RNF175: variants seen among roughly 807,000 people sequenced by gnomAD.
The protein encoded by RNF175 is ring finger protein 175.
Under a neutral mutation model 50.0 loss-of-function variants are expected in RNF175, and 38 were observed. The observed-to-expected ratio is 0.76, with a 90% CI of 0.59 to 1.00. The LOEUF (loss-of-function observed/expected upper bound fraction) is 1.00. Among genes scored for constraint, RNF175 ranks in the 50% least tolerant of loss-of-function variants. The probability of loss-of-function intolerance (pLI) is 0.00; values close to 1 mark genes in which losing one functional copy is unlikely to be tolerated. For missense variants in RNF175, 388 were observed against 409.6 expected (o/e 0.95, Z 0.46); for synonymous variants, 155 against 146.1 (o/e 1.06, Z -0.44).
chr4:153,740,997 A>G (rs184170875), intron 3 of RNF175, among the ~76,000 whole-genome samples: 2 of 152,276 alleles, frequency 1.3e-5, no homozygotes, highest in Admixed American at 1.3e-4. Flanking sequence ...TCCTTCTTAT[A>G]TAGAGTCTAA....
rs900421219 is a variant in RNF175 at position 153,748,588 on chromosome 4, A to G, written c.246+57T>C. On this transcript the variant is annotated intron_variant, in intron 3 of 8. Transcript: ENST00000347063. ...CAAGGGAGAACATGTCCTGGAAAAA[A>G]ACAGTCAAGCTGATACAAGCTGGAG... The G allele has an allele frequency of 6.8e-5, 99 of 1,460,854 alleles. 1 individual carries two copies. The highest frequency in any genetic ancestry group is 2.4e-5 in the Admixed American group (1 of 41,622). 90.5% of individuals were successfully genotyped at this position (1,460,854 alleles called of 1,614,324 possible).
chr4:153,727,271 TCTC>T (rs1738755548), intron 4 of RNF175, among the ~76,000 whole-genome samples: 1 of 152,142 alleles, frequency 6.6e-6, no homozygotes. Flanking sequence ...GTTTATAAGG[TCTC>T]CTACCACCAC....
At chr4:153,750,242 C>T (rs1740210565) in intron 2 of RNF175, among the ~76,000 whole-genome samples, 1 of 152,168 alleles carries the variant, frequency 6.6e-6, no homozygotes, top group African/African-American at 2.4e-5. Context: ...AATGTACCAC[C>T]CAGAAAACAC....
chr4:153,723,662 T>G (rs1301996292), intron 4 of RNF175, among the ~76,000 whole-genome samples: 1 of 152,190 alleles, frequency 6.6e-6, no homozygotes, highest in East Asian at 1.9e-4. Flanking sequence ...CTCATGTGTT[T>G]CTGTGTATAT....
intron 8 of RNF175, 86 bp from the exon 9 acceptor site, chr4:153,710,575 G>T: frequency 1.6e-6 from 2 of 1,242,058 alleles, no homozygotes; most frequent in Non-Finnish European, 2.3e-6. Context: ...AATAAACAAT[G>T]TAATGAATGG....
At chr4:153,753,072 A>T (rs75864897) in intron 1 of RNF175, among the ~76,000 whole-genome samples, 2,185 of 152,306 alleles carry the variant, frequency 0.014, 64 homozygotes, top group African/African-American at 0.049. Context: ...ATGAGAGAGG[A>T]GTCCAGAGCA....
Position 153,751,444 on chromosome 4 carries a change from G to A in RNF175, c.98C>T (p.Thr33Ile). The A allele has an allele frequency of 6.4e-7, 1 of 1,551,860 alleles. No homozygotes were observed. Among genetic ancestry groups the A allele is most frequent in the South Asian group, 1.2e-5 (1 of 82,388 alleles). The change falls in exon 2 of 9, where the codon ACA becomes ATA. Residue 33 changes from threonine (T) to isoleucine (I), a missense_variant. Thr to Ile is a moderately conservative substitution (Grantham distance 89). Transcript: ENST00000347063. The part of the protein sequence containing the change: ...LSHTKLSAED[T>I]WNLQQERMYK... ...AAAAATACTAATTACTTACTTCCAT[G>A]TGTCTTCTGCAGAAAGCTTTGTATG...
intron 3 of RNF175, among the ~76,000 whole-genome samples, chr4:153,728,881 C>A (rs1185028411): frequency 6.6e-6 from 1 of 152,192 alleles, no homozygotes; most frequent in Admixed American, 6.5e-5. Flanking sequence ...TTCAGAGAAG[C>A]CCCTGGGATG....
rs1186005534 is a variant in RNF175 at position 153,712,569 on chromosome 4, C to A, written c.772G>T (p.Glu258Ter). 1.2e-6 allele frequency: 2 copies of A among 1,609,970 alleles called. No individual in the cohort carries two copies. The highest frequency in any genetic ancestry group is 1.7e-5 in the Admixed American group (1 of 59,862). The part of the protein sequence containing the change: ...YQLSCNHVFH[E>*]FCIRGWCIVG... ...ATACACCAACCTCGGATGCAGAATTCATGAAAGCTGAAGCATCTTGTTAGG... is the reference window on the plus strand; with the variant it reads ...ATACACCAACCTCGGATGCAGAATTAATGAAAGCTGAAGCATCTTGTTAGG... The change falls in exon 8 of 9, where the codon GAA (glutamate) becomes TAA (stop). Residue 258 changes from glutamate (E) to a stop codon, truncating the protein, a stop_gained. Coordinates refer to ENST00000347063, the MANE Select transcript of RNF175 (RefSeq NM_173662.4). LOFTEE classifies it high-confidence loss of function.
Position 153,712,374 on chromosome 4 carries a change from T to C in RNF175, c.866+101A>G. 3 of 770,304 alleles carry C rather than the reference T, an allele frequency of 3.9e-6. No individual in the cohort carries two copies. In the Middle Eastern group the frequency reaches 7.5e-4, roughly 192 times the overall value. The allele number at this position is 770,304 out of a possible 1,614,324, so 47.7% of individuals were successfully genotyped here. ...GGTGGTTAGGGAAAACAAAAAATTT[T>C]CTGCTGGAACTATACAAAAACACTG... is the stretch of plus-strand genomic sequence containing the variant. On this transcript the variant is annotated intron_variant, in intron 8 of 8. Transcript: ENST00000347063.
intron 3 of RNF175, among the ~76,000 whole-genome samples, chr4:153,746,377 C>G (rs1333624782): frequency 6.6e-6 from 1 of 152,256 alleles, no homozygotes; most frequent in Non-Finnish European, 1.5e-5. Context: ...AGCCTTGCCC[C>G]CCCATGGCTT....
chr4:153,750,866 A>G (rs923398825), intron 2 of RNF175, among the ~76,000 whole-genome samples: 1 of 110,496 alleles, frequency 9.1e-6, no homozygotes. Flanking sequence ...TAGATATAAA[A>G]TAAAATATGC....
At chr4:153,728,482 G>GT in intron 3 of RNF175, 121 bp from the exon 4 acceptor site, 1 of 751,380 alleles carries the variant, frequency 1.3e-6, no homozygotes, top group South Asian at 1.9e-5. Context: ...TCTGTACCAT[G>GT]CAACTGGTTC....
chr4:153,713,605 G>A (rs1737728919), intron 7 of RNF175: 2 of 152,284 alleles, frequency 1.3e-5, no homozygotes, highest in South Asian at 4.1e-4. Flanking sequence ...GAACAGCAAC[G>A]ATGTAGAAGT....
intron 1 of RNF175, among the ~76,000 whole-genome samples, chr4:153,752,191 G>A (rs777068613): frequency 8.5e-5 from 13 of 152,350 alleles, no homozygotes; most frequent in South Asian, 2.1e-4. Context: ...TTGGAAAGAC[G>A]TAATCGTGTA....
intron 6 of RNF175, among the ~76,000 whole-genome samples, chr4:153,716,389 G>T (rs1737928316): frequency 6.6e-6 from 1 of 152,124 alleles, no homozygotes; most frequent in Non-Finnish European, 1.5e-5. Context: ...GTAAACCGAG[G>T]CATCTCTCCG....
At chr4:153,733,776 C>G (rs185096761) in intron 3 of RNF175, among the ~76,000 whole-genome samples, 1 of 152,234 alleles carries the variant, frequency 6.6e-6, no homozygotes, top group African/African-American at 2.4e-5. Context: ...CTGTACAGCT[C>G]TATGACATTT....
intron 4 of RNF175, among the ~76,000 whole-genome samples, chr4:153,726,098 T>TG (rs57559031): frequency 3.3e-5 from 5 of 150,940 alleles, no homozygotes; most frequent in African/African-American, 1.2e-4. Flanking sequence ...TGTGTGTGTG[T>TG]TTTGTTTTTG....
intron 2 of RNF175, 75 bp from the exon 3 acceptor site, chr4:153,748,861 A>T: frequency 7.2e-7 from 1 of 1,384,594 alleles, no homozygotes; most frequent in Non-Finnish European, 9.7e-7. Flanking sequence ...AAAAAACAAA[A>T]AACAAAAAAA....
Sources: allele counts gnomAD v4.1 joint callset (sites outside exome capture counted in the v4.1 genomes callset), GRCh38; gene constraint gnomAD v4.1.1; transcripts MANE v1.5; gene names NCBI Gene and HGNC (gene_info 2026-07-23, HGNC 2026-07-21).